The following PRKG1 variants were observed in gnomAD, a reference collection of about 807,000 sequenced individuals.
The protein encoded by PRKG1 is cGMP-dependent protein kinase 1.
A neutral mutation model predicts 88.1 loss-of-function variants in PRKG1; 35 were observed. The observed-to-expected ratio is 0.40, with a 90% CI of 0.30 to 0.53. The LOEUF is 0.53. PRKG1 is among the 20% of genes least tolerant of loss of function. The pLI is 0.59. For missense variants in PRKG1, 540 were observed against 839.8 expected (o/e 0.64, Z 4.41); for synonymous variants, 303 against 292.5 (o/e 1.04, Z -0.37).
At chr10:51,948,455 T>C (rs1204695510) in intron 5 of PRKG1, among the ~76,000 whole-genome samples, 1 of 152,120 alleles carries the variant, frequency 6.6e-6, no homozygotes, top group African/African-American at 2.4e-5. Context: ...ATTAAAAATA[T>C]ACTGCAAGGG....
At chr10:52,195,188 A>G (rs1589691269) in intron 9 of PRKG1, among the ~76,000 whole-genome samples, 4 of 152,106 alleles carry the variant, frequency 2.6e-5, no homozygotes, top group South Asian at 2.1e-4. Context: ...AGAAAACTCA[A>G]AGTGAGCTGG....
intron 3 of PRKG1, among the ~76,000 whole-genome samples, chr10:51,655,707 A>G (rs950354099): frequency 1.3e-5 from 2 of 152,304 alleles, no homozygotes; most frequent in East Asian, 1.9e-4. Context: ...GGATTAAATA[A>G]CAGAATACTT....
In PRKG1 at chr10:51,405,590, G is replaced by A. The variant is rs150506759; in HGVS notation, c.479-62133G>A. ...GGAAATTTGACCCTTAGACATTTAC[G>A]TCTGGCACATATATGCAGGAAATGA... is the stretch of plus-strand genomic sequence containing the variant. On this transcript the variant is annotated intron_variant, in intron 2 of 17. Coordinates refer to ENST00000373980, the MANE Select transcript of PRKG1 (RefSeq NM_006258.4). Among the ~76,000 whole-genome samples, 24 of 152,212 alleles carry A rather than the reference G, an allele frequency of 1.6e-4. No individual in the cohort carries two copies. In the East Asian group the frequency reaches 3.7e-3, roughly 23 times the overall value.
intron 1 of PRKG1, among the ~76,000 whole-genome samples, chr10:51,031,685 G>C (rs1248424875): frequency 4.6e-5 from 7 of 152,170 alleles, no homozygotes; most frequent in Admixed American, 3.9e-4. Context: ...TTAAGGCTCA[G>C]AGAAGTTACA....
At chr10:51,893,696 A>T (rs956795072) in intron 4 of PRKG1, among the ~76,000 whole-genome samples, 2 of 152,218 alleles carry the variant, frequency 1.3e-5, no homozygotes, top group African/African-American at 4.8e-5. Context: ...CTTACCCTAC[A>T]GCAGCCCCTT....
chr10:52,161,475 G>A (rs1838274192), intron 8 of PRKG1, among the ~76,000 whole-genome samples: 1 of 151,962 alleles, frequency 6.6e-6, no homozygotes, highest in South Asian at 2.1e-4. Context: ...ATATGTTACT[G>A]GTAATTTAAA....
chr10:51,992,270 A>G (rs1202443985), intron 5 of PRKG1, among the ~76,000 whole-genome samples: 1 of 152,136 alleles, frequency 6.6e-6, no homozygotes, highest in Non-Finnish European at 1.5e-5. Context: ...GAGTATAGAA[A>G]ATGTGCACAC....
chr10:52,177,968 CT>C (rs879382037), intron 9 of PRKG1, among the ~76,000 whole-genome samples: 182 of 135,484 alleles, frequency 1.3e-3, no homozygotes, highest in Middle Eastern at 3.9e-3. Flanking sequence ...TTTTGCATTG[CT>C]TTTTTTTTTT....
chr10:51,235,116 G>A (rs1037304469), intron 2 of PRKG1, among the ~76,000 whole-genome samples: 2 of 152,126 alleles, frequency 1.3e-5, no homozygotes, highest in African/African-American at 4.8e-5. Context: ...GATATTCCAT[G>A]CAGGAAGCCA....
At chr10:51,976,583 G>A (rs907957579) in intron 5 of PRKG1, among the ~76,000 whole-genome samples, 1 of 152,064 alleles carries the variant, frequency 6.6e-6, no homozygotes, top group African/African-American at 2.4e-5. Flanking sequence ...ATTCATTATT[G>A]CTGGAGGCTG....
rs9299454 is a variant in PRKG1 at position 51,034,668 on chromosome 10, T to TTTATATATATATATATATA, written c.266+43025_266+43026insTATATATATATATATATAT. On this transcript the variant is annotated intron_variant, in intron 1 of 17. Coordinates refer to the PRKG1 transcript ENST00000401604. The stretch of plus-strand genomic sequence containing the variant: ...AGCAAAATTATATATAATATGTTAT[T>TTTATATATATATATATATA]TATATATATATATATATATATATAT... Among the ~76,000 whole-genome samples, 5 of 68,184 alleles carry TTTATATATATATATATATA rather than the reference T, an allele frequency of 7.3e-5. 1 individual carries two copies. The highest frequency in any genetic ancestry group is 1.1e-4 in the Non-Finnish European group (4 of 36,468). 44.7% of individuals were successfully genotyped at this position (68,184 alleles called of 152,430 possible). A position where few individuals can be genotyped will look rare whatever the true frequency, so the allele number is the denominator to read the frequency against.
chr10:51,461,348 A>G (rs1839739037), intron 2 of PRKG1, among the ~76,000 whole-genome samples: 1 of 152,212 alleles, frequency 6.6e-6, no homozygotes, highest in Non-Finnish European at 1.5e-5. Flanking sequence ...TCTTTGAATT[A>G]GAAGCTTGGT....
intron 5 of PRKG1, among the ~76,000 whole-genome samples, chr10:52,008,901 T>C (rs1026430693): frequency 1.5e-4 from 23 of 152,068 alleles, no homozygotes; most frequent in African/African-American, 5.6e-4. Context: ...TAAATGTGAC[T>C]CATCACATAA....
At position 51,132,735 on chromosome 10, in the gene PRKG1, A is replaced by AAT. The variant is rs199932608; in HGVS notation, c.312-20417_312-20416dup. Among the ~76,000 whole-genome samples the AAT allele has an allele frequency of 3.8e-3, 555 of 147,740 alleles. 1 individual carries two copies. The highest frequency in any genetic ancestry group is 4.9e-3 in the Non-Finnish European group (329 of 67,098). Reference sequence around the variant, plus strand: ...TATATATATATTATATATGTAATATAATATATATATATAAAATTTAAGGTT... The same window carrying AAT: ...TATATATATATTATATATGTAATATAATATATATATATATAAAATTTAAGGTT... On this transcript the variant is annotated intron_variant, in intron 1 of 17. Transcript: ENST00000373980.
chr10:51,247,589 T>C (rs997259987), intron 2 of PRKG1, among the ~76,000 whole-genome samples: 15 of 151,962 alleles, frequency 9.9e-5, no homozygotes, highest in African/African-American at 3.6e-4. Context: ...CTAATTACCC[T>C]GAGGACAGGA....
At chr10:51,816,172 A>G (rs1312348945) in intron 4 of PRKG1, among the ~76,000 whole-genome samples, 2 of 152,328 alleles carry the variant, frequency 1.3e-5, no homozygotes, top group Admixed American at 1.3e-4. Flanking sequence ...GTTTCCCAGC[A>G]TCAGTAATGA....
At chr10:51,672,893 G>C (rs1168667982) in intron 3 of PRKG1, among the ~76,000 whole-genome samples, 2 of 152,172 alleles carry the variant, frequency 1.3e-5, no homozygotes, top group East Asian at 3.8e-4. Flanking sequence ...GATCTTATAA[G>C]TTTTCCTGTT....
At chr10:51,492,530 C>G (rs1840733042) in intron 3 of PRKG1, among the ~76,000 whole-genome samples, 1 of 152,110 alleles carries the variant, frequency 6.6e-6, no homozygotes. Flanking sequence ...AGAAAGCAGG[C>G]ACTTTTAAAC....
chr10:51,593,686 A>T (rs1838368169), intron 3 of PRKG1, among the ~76,000 whole-genome samples: 1 of 151,974 alleles, frequency 6.6e-6, no homozygotes, highest in Non-Finnish European at 1.5e-5. Flanking sequence ...TTAGAGTGGT[A>T]TTGTGTGTTA....
Sources: allele counts gnomAD v4.1 joint callset (sites outside exome capture counted in the v4.1 genomes callset), GRCh38; gene constraint gnomAD v4.1.1; transcripts MANE v1.5; gene names NCBI Gene and HGNC (gene_info 2026-07-23, HGNC 2026-07-21).